CFAP95: variants seen among roughly 807,000 people sequenced by gnomAD.
CFAP95 encodes the protein cilia- and flagella-associated protein 95.
chr9:69,867,143 T>G, the CFAP95 span, among the ~76,000 whole-genome samples: 6 of 152,308 alleles, frequency 3.9e-5, no homozygotes, highest in African/African-American at 1.4e-4. Context: ...CCTAATGAGT[T>G]TGGTTTGGAA....
At chr9:69,891,336 C>A in the CFAP95 span, among the ~76,000 whole-genome samples, 2 of 152,172 alleles carry the variant, frequency 1.3e-5, no homozygotes, top group Non-Finnish European at 2.9e-5. Flanking sequence ...GCTGTGGCCT[C>A]AAGTCCCCCG....
the CFAP95 span, among the ~76,000 whole-genome samples, chr9:69,879,863 T>C: frequency 3.8e-4 from 33 of 86,436 alleles, no homozygotes; most frequent in Admixed American, 3.7e-3. Flanking sequence ...CCCCAACCCA[T>C]AGGTAACTTT....
chr9:69,841,167 TATATATATATATA>T, the CFAP95 span, among the ~76,000 whole-genome samples: 2 of 92,454 alleles, frequency 2.2e-5, no homozygotes, highest in South Asian at 3.1e-4. Context: ...AGCTGGATTA[TATATATATATATA>T]TATATATATA....
the CFAP95 span, among the ~76,000 whole-genome samples, chr9:69,823,750 T>A: frequency 6.6e-6 from 1 of 151,966 alleles, no homozygotes; most frequent in African/African-American, 2.4e-5. Flanking sequence ...GTGGGGCCGT[T>A]TTATAGGATT....
At chr9:69,841,351 C>T in the CFAP95 span, among the ~76,000 whole-genome samples, 1 of 151,336 alleles carries the variant, frequency 6.6e-6, no homozygotes, top group African/African-American at 2.4e-5. Flanking sequence ...GGGATGTACT[C>T]CGGTTTTATT....
chr9:69,844,723 C>T, the CFAP95 span: 15 of 789,318 alleles, frequency 1.9e-5, no homozygotes, highest in Middle Eastern at 2.4e-4. Context: ...CACCATCCCT[C>T]GTTAACTGTG....
the CFAP95 span, among the ~76,000 whole-genome samples, chr9:69,865,793 G>T: frequency 6.6e-6 from 1 of 152,126 alleles, no homozygotes; most frequent in Non-Finnish European, 1.5e-5. Flanking sequence ...TTAAGTTTGA[G>T]TTGGGTTTCT....
chr9:69,861,404 A>G, the CFAP95 span, among the ~76,000 whole-genome samples: 2 of 152,150 alleles, frequency 1.3e-5, no homozygotes, highest in African/African-American at 4.8e-5. Flanking sequence ...TCTTAGAGTG[A>G]GCAAGCAATT....
the CFAP95 span, among the ~76,000 whole-genome samples, chr9:69,854,216 A>G: frequency 2.0e-5 from 3 of 152,212 alleles, no homozygotes; most frequent in East Asian, 3.8e-4. Flanking sequence ...ACTTAAGTCG[A>G]GTCTCCAACT....
chr9:69,850,138 C>T, the CFAP95 span, among the ~76,000 whole-genome samples: 1 of 152,188 alleles, frequency 6.6e-6, no homozygotes. Flanking sequence ...GAAAGGGGTG[C>T]ATGTTGAATC....
the CFAP95 span, among the ~76,000 whole-genome samples, chr9:69,841,953 G>A: frequency 1.3e-5 from 2 of 152,176 alleles, no homozygotes; most frequent in African/African-American, 4.8e-5. Context: ...TGAGATTTGT[G>A]TGGGGACATA....
the CFAP95 span, among the ~76,000 whole-genome samples, chr9:69,890,999 C>T: frequency 6.6e-6 from 1 of 152,258 alleles, no homozygotes; most frequent in East Asian, 1.9e-4. Flanking sequence ...TAGCTCATCT[C>T]AATTTCAATT....
At chr9:69,852,989 A>T in the CFAP95 span, among the ~76,000 whole-genome samples, 441 of 152,330 alleles carry the variant, frequency 2.9e-3, 4 homozygotes, top group African/African-American at 9.9e-3. Context: ...TAAATCCATT[A>T]AACCTCTTTC....
At chr9:69,899,923 C>T in the CFAP95 span, among the ~76,000 whole-genome samples, 4 of 152,140 alleles carry the variant, frequency 2.6e-5, no homozygotes, top group African/African-American at 9.7e-5. Context: ...CAGCCCATAG[C>T]CTTTGCTGAT....
chr9:69,856,528 T>A, the CFAP95 span: 2 of 1,397,166 alleles, frequency 1.4e-6, no homozygotes, highest in South Asian at 2.5e-5. Flanking sequence ...AATTCATTTT[T>A]CTTATATGTG....
the CFAP95 span, chr9:69,858,253 CTCGTGGTTCTG>C: frequency 2.3e-6 from 1 of 434,140 alleles, no homozygotes; most frequent in Non-Finnish European, 4.2e-6. Flanking sequence ...CAAGTCAATA[CTCGTGGTTCTG>C]TCATGGTCAT....
chr9:69,839,842 T>C, the CFAP95 span, among the ~76,000 whole-genome samples: 1 of 151,228 alleles, frequency 6.6e-6, no homozygotes, highest in Admixed American at 6.6e-5. Context: ...TTGGGAGGTC[T>C]AGGTGGGTGG....
At chr9:69,871,388 T>C in the CFAP95 span, among the ~76,000 whole-genome samples, 3 of 152,062 alleles carry the variant, frequency 2.0e-5, no homozygotes, top group African/African-American at 2.4e-5. Context: ...GACTTTATCA[T>C]GTAGATGGTA....
chr9:69,827,664 G>A, the CFAP95 span, among the ~76,000 whole-genome samples: 4 of 152,142 alleles, frequency 2.6e-5, no homozygotes, highest in Admixed American at 6.5e-5. Flanking sequence ...TGGTCCAACC[G>A]CTGTGCATGC....
Sources: allele counts gnomAD v4.1 joint callset (sites outside exome capture counted in the v4.1 genomes callset), GRCh38; gene constraint gnomAD v4.1.1; transcripts MANE v1.5; gene names NCBI Gene and HGNC (gene_info 2026-07-23, HGNC 2026-07-21).